NDST4: variants seen among roughly 807,000 people sequenced by gnomAD.
The protein encoded by NDST4 is N-deacetylase and N-sulfotransferase 4.
Under a neutral mutation model 100.8 loss-of-function variants are expected in NDST4, and 63 were observed. The observed-to-expected ratio is 0.62, with a 90% CI of 0.51 to 0.77. NDST4 has a LOEUF of 0.77. Ranked by LOEUF, NDST4 falls within the 30% of genes least tolerant of loss-of-function variation. NDST4 has a pLI of 0.00. For missense variants in NDST4, 943 were observed against 1,018.4 expected (o/e 0.93, Z 1.01); for synonymous variants, 377 against 361.8 (o/e 1.04, Z -0.48).
At chr4:114,998,560 A>G (rs1727214888) in intron 2 of NDST4, among the ~76,000 whole-genome samples, 1 of 152,216 alleles carries the variant, frequency 6.6e-6, no homozygotes, top group Admixed American at 6.6e-5. Context: ...GGCAAGAATT[A>G]AAAGCAGTCT....
intron 2 of NDST4, among the ~76,000 whole-genome samples, chr4:115,066,898 T>G (rs1020540768): frequency 2.6e-4 from 40 of 152,302 alleles, no homozygotes; most frequent in African/African-American, 8.4e-4. Flanking sequence ...CTCTGTTGTG[T>G]GCCCTATGTC....
At chr4:114,914,200 T>C (rs1325094363) in intron 6 of NDST4, among the ~76,000 whole-genome samples, 9 of 151,862 alleles carry the variant, frequency 5.9e-5, no homozygotes, top group Non-Finnish European at 1.0e-4. Flanking sequence ...TATCAGGGCA[T>C]TGGGGGGAGG....
intron 2 of NDST4, among the ~76,000 whole-genome samples, chr4:114,983,193 G>C (rs2126247387): frequency 6.6e-6 from 1 of 152,332 alleles, no homozygotes; most frequent in East Asian, 1.9e-4. Flanking sequence ...TCCCCACTGG[G>C]GCACTGCCTA....
At position 115,077,046 on chromosome 4, in the gene NDST4, TA is replaced by T. The variant is rs1403131487; in HGVS notation, c.-11del. Reference sequence around the variant, plus strand: ...TCACAATAAGATTCATTTTTTAGAATAATGTTTTGGAAGCTTTTTCCCAATT... The same window carrying T: ...TCACAATAAGATTCATTTTTTAGAATATGTTTTGGAAGCTTTTTCCCAATT... On this transcript the variant is annotated 5_prime_UTR_variant, in exon 2 of 14. Transcript: ENST00000264363. 6.3e-7 allele frequency: 1 copy of T among 1,578,354 alleles called. No homozygotes were observed. The highest frequency in any genetic ancestry group is 8.6e-7 in the Non-Finnish European group (1 of 1,165,010).
At chr4:114,967,666 A>G (rs1726413225) in intron 4 of NDST4, among the ~76,000 whole-genome samples, 1 of 152,132 alleles carries the variant, frequency 6.6e-6, no homozygotes, top group African/African-American at 2.4e-5. Flanking sequence ...ACTCAAGGTA[A>G]GTTTATTTTT....
chr4:115,050,297 T>A (rs183241997), intron 2 of NDST4, among the ~76,000 whole-genome samples: 15 of 152,226 alleles, frequency 9.9e-5, no homozygotes, highest in African/African-American at 3.4e-4. Context: ...AAGCATTATC[T>A]ACAAATATTG....
chr4:114,908,980 G>C (rs577209960), intron 6 of NDST4, among the ~76,000 whole-genome samples: 1 of 151,902 alleles, frequency 6.6e-6, no homozygotes, highest in Non-Finnish European at 1.5e-5. Context: ...GAAATTTTAC[G>C]AAAAATATGT....
intron 2 of NDST4, among the ~76,000 whole-genome samples, chr4:115,065,639 C>A (rs1289504122): frequency 1.3e-5 from 2 of 151,886 alleles, no homozygotes; most frequent in Non-Finnish European, 2.9e-5. Flanking sequence ...TTTAGTTGGT[C>A]TCCTCAAAAC....
At chr4:115,054,259 G>C (rs1337723289) in intron 2 of NDST4, among the ~76,000 whole-genome samples, 7 of 152,036 alleles carry the variant, frequency 4.6e-5, no homozygotes, top group African/African-American at 1.4e-4. Flanking sequence ...TATCTATCAT[G>C]AGGCAAGCAA....
chr4:114,860,243 T>TATA (rs1560782757), intron 7 of NDST4, among the ~76,000 whole-genome samples: 3 of 152,324 alleles, frequency 2.0e-5, no homozygotes, highest in African/African-American at 7.2e-5. Context: ...TTTTCTGCCA[T>TATA]CTTTTTATTT....
chr4:114,908,052 A>C (rs1724989569), intron 6 of NDST4, among the ~76,000 whole-genome samples: 1 of 152,208 alleles, frequency 6.6e-6, no homozygotes, highest in Non-Finnish European at 1.5e-5. Context: ...CAGTGTTAAA[A>C]GGTGAACAAA....
chr4:114,922,341 A>G (rs1173667212), intron 6 of NDST4, among the ~76,000 whole-genome samples: 1 of 152,158 alleles, frequency 6.6e-6, no homozygotes, highest in Non-Finnish European at 1.5e-5. Context: ...GAGCATGCAT[A>G]TAGCTTCAGT....
intron 1 of NDST4, among the ~76,000 whole-genome samples, chr4:115,094,164 G>A (rs1168900923): frequency 1.3e-5 from 2 of 151,498 alleles, no homozygotes; most frequent in East Asian, 1.9e-4. Context: ...TTAATCTTCA[G>A]TACAATTACA....
intron 6 of NDST4, among the ~76,000 whole-genome samples, chr4:114,878,151 G>A (rs182784554): frequency 5.8e-4 from 88 of 152,150 alleles, no homozygotes; most frequent in Middle Eastern, 6.8e-3. Flanking sequence ...AAATTGTTTC[G>A]CTCATGTCTT....
At chr4:114,887,775 C>A (rs1724510204) in intron 6 of NDST4, among the ~76,000 whole-genome samples, 1 of 151,866 alleles carries the variant, frequency 6.6e-6, no homozygotes, top group South Asian at 2.1e-4. Context: ...ACTTTTTCAC[C>A]CTTTAGACTA....
chr4:114,910,160 T>G (rs1560807732), intron 6 of NDST4, among the ~76,000 whole-genome samples: 1 of 152,270 alleles, frequency 6.6e-6, no homozygotes, highest in East Asian at 1.9e-4. Flanking sequence ...CTCAGGATGT[T>G]TTAAATATGT....
intron 1 of NDST4, among the ~76,000 whole-genome samples, chr4:115,083,765 G>T (rs890988640): frequency 6.6e-6 from 1 of 152,068 alleles, no homozygotes. Context: ...CCTTTGTTCA[G>T]CACTCATTCT....
chr4:114,949,544 C>G (rs1265030226), intron 4 of NDST4, among the ~76,000 whole-genome samples: 2 of 152,024 alleles, frequency 1.3e-5, no homozygotes, highest in African/African-American at 4.8e-5. Context: ...GCCTCAGATT[C>G]TCTTGGCATT....
At chr4:114,945,208 CAAA>C (rs1173970826) in intron 4 of NDST4, among the ~76,000 whole-genome samples, 15 of 53,766 alleles carry the variant, frequency 2.8e-4, no homozygotes, top group East Asian at 7.3e-4. Context: ...AACTCCGTCT[CAAA>C]AAAAAAAAAA....
Sources: allele counts gnomAD v4.1 joint callset (sites outside exome capture counted in the v4.1 genomes callset), GRCh38; gene constraint gnomAD v4.1.1; transcripts MANE v1.5; gene names NCBI Gene and HGNC (gene_info 2026-07-23, HGNC 2026-07-21).